SVOPL: variants seen among roughly 807,000 people sequenced by gnomAD.
The protein encoded by SVOPL is putative transporter SVOPL.
SVOPL carries 60 observed loss-of-function variants against 61.0 expected under a neutral mutation model. The ratio of observed to expected loss-of-function variants is 0.98; its 90% CI spans 0.80 to 1.22. The LOEUF is 1.22. Ranked by LOEUF, SVOPL falls within the 50% of genes most tolerant of loss-of-function variation. The pLI is 0.00. For synonymous variants in SVOPL, 279 were observed against 250.0 expected (o/e 1.12, Z -1.09); for missense variants, 662 against 643.9 (o/e 1.03, Z -0.30).
At chr7:138,599,078 T>C (rs537518403) in intron 14 of SVOPL, among the ~76,000 whole-genome samples, 6 of 146,832 alleles carry the variant, frequency 4.1e-5, no homozygotes, top group South Asian at 4.3e-4. Context: ...TGTTCTATAA[T>C]TGCACCTGAG....
At chr7:138,682,524 A>T (rs1802721547) in intron 1 of SVOPL, among the ~76,000 whole-genome samples, 1 of 152,248 alleles carries the variant, frequency 6.6e-6, no homozygotes, top group East Asian at 1.9e-4. Flanking sequence ...CTGTATAAGA[A>T]AAATGACCCA....
intron 9 of SVOPL, among the ~76,000 whole-genome samples, chr7:138,642,963 C>G (rs1800901384): frequency 6.6e-6 from 1 of 151,556 alleles, no homozygotes; most frequent in Non-Finnish European, 1.5e-5. Flanking sequence ...TTTTTAAAAA[C>G]TCCTCTGCCC....
chr7:138,624,987 C>T (rs1249037388), intron 13 of SVOPL: 2 of 152,134 alleles, frequency 1.3e-5, no homozygotes, highest in Non-Finnish European at 2.9e-5. Context: ...AGGCATGAGC[C>T]ACTGCGCCCA....
intron 14 of SVOPL, among the ~76,000 whole-genome samples, chr7:138,604,146 T>C (rs1037362779): frequency 6.6e-6 from 1 of 151,700 alleles, no homozygotes; most frequent in Non-Finnish European, 1.5e-5. Context: ...TTATTTTTTG[T>C]AGACATGGGG....
chr7:138,642,409 CAAAT>C (rs1240522179), intron 9 of SVOPL, among the ~76,000 whole-genome samples: 1 of 151,108 alleles, frequency 6.6e-6, no homozygotes, highest in East Asian at 1.9e-4. Context: ...AGAGAAAGCA[CAAAT>C]AAACAGTATT....
At chr7:138,667,847 T>C (rs1802307562) in intron 4 of SVOPL, among the ~76,000 whole-genome samples, 1 of 152,198 alleles carries the variant, frequency 6.6e-6, no homozygotes, top group South Asian at 2.1e-4. Context: ...GGGTGTAGGC[T>C]GAACTAGCTT....
intron 4 of SVOPL, chr7:138,664,284 CG>C (rs1173349299): frequency 2.1e-6 from 2 of 975,340 alleles, no homozygotes; most frequent in Non-Finnish European, 2.4e-6. Flanking sequence ...GAGCTCCCAT[CG>C]GGCACGCGCC....
chr7:138,679,671 TG>T (rs1472629615), intron 1 of SVOPL, among the ~76,000 whole-genome samples: 1 of 152,140 alleles, frequency 6.6e-6, no homozygotes, highest in Non-Finnish European at 1.5e-5. Context: ...GATATAATAA[TG>T]GCACCCAACT....
At chr7:138,642,813 G>C (rs1304680364) in intron 9 of SVOPL, among the ~76,000 whole-genome samples, 1 of 129,190 alleles carries the variant, frequency 7.7e-6, no homozygotes, top group South Asian at 2.7e-4. Context: ...CTGGACGATA[G>C]AGCGAGACTC....
chr7:138,611,892 G>T (rs1490677239), intron 14 of SVOPL, among the ~76,000 whole-genome samples: 5 of 73,196 alleles, frequency 6.8e-5, no homozygotes, highest in East Asian at 3.5e-4. Context: ...CGTCTGGGAG[G>T]TGTGCCCAAC....
intron 1 of SVOPL, chr7:138,689,251 T>C (rs1802886056): frequency 6.4e-7 from 1 of 1,558,352 alleles, no homozygotes; most frequent in African/African-American, 1.4e-5. Context: ...GCTGAATTTT[T>C]GCTGCACATG....
At chr7:138,634,581 G>A (rs774126568) in intron 9 of SVOPL, among the ~76,000 whole-genome samples, 1 of 152,032 alleles carries the variant, frequency 6.6e-6, no homozygotes, top group Non-Finnish European at 1.5e-5. Context: ...TCAGCAGGTT[G>A]AGGCTGCAGT....
intron 14 of SVOPL, among the ~76,000 whole-genome samples, chr7:138,601,266 A>AG (rs1258182706): frequency 6.6e-5 from 10 of 151,362 alleles, no homozygotes; most frequent in Admixed American, 2.0e-4. Context: ...AAAAAAAAAA[A>AG]AAAGAAAAGA....
chr7:138,633,346 T>A (rs970399863), intron 9 of SVOPL, among the ~76,000 whole-genome samples: 1 of 152,130 alleles, frequency 6.6e-6, no homozygotes, highest in Non-Finnish European at 1.5e-5. Flanking sequence ...TGGGGGTGGA[T>A]CCCTCATGAA....
At chr7:138,603,215 GTTTAC>G (rs770939486) in intron 14 of SVOPL, among the ~76,000 whole-genome samples, 8 of 152,144 alleles carry the variant, frequency 5.3e-5, no homozygotes, top group African/African-American at 1.2e-4. Flanking sequence ...ACATTTGACA[GTTTAC>G]TTTAGAAACA....
intron 14 of SVOPL, among the ~76,000 whole-genome samples, chr7:138,605,640 C>CAAAAAAAAAAAAAA (rs1159063438): frequency 1.2e-5 from 1 of 84,288 alleles, no homozygotes. Flanking sequence ...CTAACCTGGG[C>CAAAAAAAAAAAAAA]AAAAAAAAAA....
intron 5 of SVOPL, chr7:138,662,154 G>A: frequency 3.0e-6 from 3 of 985,434 alleles, no homozygotes; most frequent in Non-Finnish European, 3.6e-6. Flanking sequence ...GGACATTCAG[G>A]CAAATGGCTC....
intron 9 of SVOPL, among the ~76,000 whole-genome samples, chr7:138,630,598 G>C (rs1800133136): frequency 6.6e-6 from 1 of 152,230 alleles, no homozygotes; most frequent in Non-Finnish European, 1.5e-5. Flanking sequence ...AAGGGGGGTA[G>C]TTAGCAAAAG....
intron 14 of SVOPL, among the ~76,000 whole-genome samples, chr7:138,611,976 T>A (rs1459573088): frequency 4.1e-5 from 1 of 24,230 alleles, no homozygotes; most frequent in African/African-American, 1.1e-4. Context: ...GGGGAAAGGA[T>A]TGGGAAATCG....
Sources: allele counts gnomAD v4.1 joint callset (sites outside exome capture counted in the v4.1 genomes callset), GRCh38; gene constraint gnomAD v4.1.1; transcripts MANE v1.5; gene names NCBI Gene and HGNC (gene_info 2026-07-23, HGNC 2026-07-21).